Variants in MGAT4A observed in about 807,000 individuals in gnomAD.
The protein encoded by MGAT4A is N-acetylglucosaminyltransferase IVa.
In MGAT4A, 33 loss-of-function variants were observed where a neutral mutation model predicts 74.1. That is an observed-to-expected ratio of 0.45 (90% CI 0.34 to 0.60). The LOEUF (loss-of-function observed/expected upper bound fraction) is 0.60. Among genes scored for constraint, MGAT4A ranks in the 20% least tolerant of loss-of-function variants. MGAT4A has a pLI of 0.02. For synonymous variants in MGAT4A, 198 were observed against 210.4 expected, an observed-to-expected ratio of 0.94 and a Z score of 0.51; for missense variants, 479 against 628.3, an observed-to-expected ratio of 0.76 and a Z score of 2.54.
At chr2:98,641,425 G>A (rs556959228) in intron 10 of MGAT4A, among the ~76,000 whole-genome samples, 12 of 150,650 alleles carry the variant, frequency 8.0e-5, no homozygotes, top group Non-Finnish European at 1.3e-4. Flanking sequence ...GGAGGCCGAG[G>A]TGGGCGGATC....
intron 8 of MGAT4A, among the ~76,000 whole-genome samples, chr2:98,650,051 A>G (rs537002619): frequency 6.6e-6 from 1 of 152,348 alleles, no homozygotes; most frequent in African/African-American, 2.4e-5. Context: ...AATATGATGC[A>G]TGAACAAAAT....
intron 4 of MGAT4A, among the ~76,000 whole-genome samples, chr2:98,671,024 TCTATTGTCC>T (rs1265316225): frequency 6.6e-6 from 1 of 152,176 alleles, no homozygotes; most frequent in Non-Finnish European, 1.5e-5. Context: ...CAAAACAGTG[TCTATTGTCC>T]CCTATCTCAC....
intron 2 of MGAT4A, among the ~76,000 whole-genome samples, chr2:98,707,625 G>A (rs934646602): frequency 6.6e-6 from 1 of 152,160 alleles, no homozygotes; most frequent in African/African-American, 2.4e-5. Flanking sequence ...AGTCTCATGA[G>A]AGCTAAAATG....
chr2:98,699,730 CA>C (rs1420210333), intron 2 of MGAT4A, among the ~76,000 whole-genome samples: 2 of 151,970 alleles, frequency 1.3e-5, no homozygotes, highest in Admixed American at 6.6e-5. Context: ...TGATATTAAG[CA>C]AAAAATGTAC....
In MGAT4A at chr2:98,622,859, G is replaced by C. The variant is rs1439223464; in HGVS notation, c.*2707C>G. ...AACGACAGCAGGGAGAGGGAGTTAA[G>C]AGAGAGAAAGGGGGCTGGACATGGT... is the stretch of plus-strand genomic sequence containing the variant. On this transcript the variant is annotated 3_prime_UTR_variant, in exon 16 of 16. Coordinates refer to ENST00000393487, the MANE Select transcript of MGAT4A (RefSeq NM_012214.3). 1 of 985,646 alleles carries C rather than the reference G, an allele frequency of 1.0e-6. No individual in the cohort carries two copies. Among genetic ancestry groups the C allele is most frequent in the Non-Finnish European group, 1.2e-6 (1 of 830,306 alleles). 61.1% of individuals were successfully genotyped at this position (985,646 alleles called of 1,614,324 possible).
intron 2 of MGAT4A, among the ~76,000 whole-genome samples, chr2:98,718,189 T>C (rs1575283269): frequency 7.4e-6 from 1 of 136,036 alleles, no homozygotes; most frequent in African/African-American, 3.3e-5. Context: ...AAGGTGACTC[T>C]TACACGTGAT....
At position 98,625,165 on chromosome 2, in the gene MGAT4A, T is replaced by C. The variant is rs1013126000; in HGVS notation, c.*401A>G. Reference sequence around the variant, plus strand: ...TATATTTATATATTTATATATATAATCCCTGATAATCTATAAAAGAGGGTC... The same window carrying C: ...TATATTTATATATTTATATATATAACCCCTGATAATCTATAAAAGAGGGTC... On this transcript the variant is annotated 3_prime_UTR_variant, in exon 16 of 16. Transcript: ENST00000393487. 2 of 794,336 alleles carry C rather than the reference T, an allele frequency of 2.5e-6. No individual in the cohort carries two copies. The highest frequency in any genetic ancestry group is 3.8e-5 in the African/African-American group (2 of 53,294). 49.2% of individuals were successfully genotyped at this position (794,336 alleles called of 1,614,324 possible).
chr2:98,726,087 A>T, intron 2 of MGAT4A, 152 bp downstream of exon 2: 1 of 562,142 alleles, frequency 1.8e-6, no homozygotes, highest in South Asian at 2.7e-5. Context: ...TCTGTCCAAG[A>T]ATACTGTTTC....
At chr2:98,710,227 A>C (rs971394417) in intron 2 of MGAT4A, among the ~76,000 whole-genome samples, 1 of 152,324 alleles carries the variant, frequency 6.6e-6, no homozygotes, top group Admixed American at 6.5e-5. Context: ...GCAAGCATGG[A>C]AACAGGGTAA....
chr2:98,719,299 T>C (rs1347917876), intron 2 of MGAT4A, among the ~76,000 whole-genome samples: 1 of 152,268 alleles, frequency 6.6e-6, no homozygotes, highest in African/African-American at 2.4e-5. Flanking sequence ...GCAGAATTTA[T>C]GCCCCAGGGC....
intron 2 of MGAT4A, among the ~76,000 whole-genome samples, chr2:98,679,697 T>C (rs1002613095): frequency 1.3e-5 from 2 of 152,144 alleles, no homozygotes; most frequent in Non-Finnish European, 2.9e-5. Context: ...AGTCATTCAT[T>C]TGAATAATTT....
Position 98,727,770 on chromosome 2 carries a change from C to T in MGAT4A, c.-235-1203G>A, listed in dbSNP as rs13408417. ...CACTGAACACTACTAGAAATTCCCCCTAGTAAAGAAAGATCACAGGGGCAT... is the reference window on the plus strand; with the variant it reads ...CACTGAACACTACTAGAAATTCCCCTTAGTAAAGAAAGATCACAGGGGCAT... On this transcript the variant is annotated intron_variant, in intron 1 of 15. Transcript: ENST00000393487. Among the ~76,000 whole-genome samples, 828 of 152,284 alleles carry T rather than the reference C, an allele frequency of 5.4e-3. 9 individuals carry two copies. Among genetic ancestry groups the T allele is most frequent in the African/African-American group, 0.019 (806 of 41,548 alleles).
intron 2 of MGAT4A, among the ~76,000 whole-genome samples, chr2:98,682,027 G>A (rs539797434): frequency 4.6e-5 from 7 of 152,196 alleles, no homozygotes; most frequent in Admixed American, 1.3e-4. Flanking sequence ...CCATGAGTCC[G>A]TATCAACAAT....
At chr2:98,661,148 T>C (rs1701743281) in intron 5 of MGAT4A, among the ~76,000 whole-genome samples, 1 of 152,086 alleles carries the variant, frequency 6.6e-6, no homozygotes, top group Non-Finnish European at 1.5e-5. Context: ...GGCCAACAGA[T>C]ATACGAAAAA....
chr2:98,646,055 A>G (rs926984083), intron 8 of MGAT4A, among the ~76,000 whole-genome samples: 1 of 152,196 alleles, frequency 6.6e-6, no homozygotes, highest in Non-Finnish European at 1.5e-5. Context: ...TTATTAGGAT[A>G]TTATTGAAAA....
intron 2 of MGAT4A, among the ~76,000 whole-genome samples, chr2:98,706,809 T>G (rs1702444929): frequency 6.6e-6 from 1 of 151,726 alleles, no homozygotes; most frequent in African/African-American, 2.4e-5. Flanking sequence ...TGATGTGGTC[T>G]GCCTCAGTCT....
intron 2 of MGAT4A, among the ~76,000 whole-genome samples, chr2:98,721,287 A>C (rs1344659355): frequency 1.3e-5 from 2 of 152,216 alleles, no homozygotes; most frequent in Non-Finnish European, 2.9e-5. Flanking sequence ...AGAAACACTA[A>C]GGGAAATTCT....
intron 7 of MGAT4A, 55 bp from the exon 8 acceptor site, chr2:98,655,575 A>G: frequency 8.5e-7 from 1 of 1,182,862 alleles, no homozygotes; most frequent in South Asian, 1.3e-5. Flanking sequence ...ATTTAGTAAA[A>G]TAAGATTAAA....
chr2:98,668,570 G>A (rs1454335730), intron 4 of MGAT4A, among the ~76,000 whole-genome samples: 1 of 152,208 alleles, frequency 6.6e-6, no homozygotes, highest in Non-Finnish European at 1.5e-5. Context: ...GGACATGTGG[G>A]GTCAGAGCCC....
Sources: gnomAD v4.1 joint callset for allele counts (sites outside exome capture counted in the v4.1 genomes callset) on GRCh38, gnomAD v4.1.1 for gene constraint, MANE v1.5 for transcripts, NCBI Gene and HGNC (gene_info 2026-07-23, HGNC 2026-07-21) for gene names.